Variants in CCDC171 observed in about 807,000 individuals in gnomAD.
CCDC171 encodes the protein coiled-coil domain-containing protein 171.
Under a neutral mutation model 168.2 loss-of-function variants are expected in CCDC171, and 177 were observed. The ratio of observed to expected loss-of-function variants is 1.05; its 90% CI spans 0.93 to 1.19. CCDC171 has a LOEUF of 1.19. Ranked by LOEUF, CCDC171 falls within the 50% of genes most tolerant of loss-of-function variation. The pLI, the probability that CCDC171 is intolerant of heterozygous loss-of-function variation, is 0.00. For synonymous variants in CCDC171, 687 were observed against 540.8 expected (o/e 1.27, Z -3.75); for missense variants, 1,991 against 1,539.0 (o/e 1.29, Z -4.91).
chr9:16,021,783 C>T (rs374479688), intron 4 of CCDC171, among the ~76,000 whole-genome samples: 3 of 152,166 alleles, frequency 2.0e-5, no homozygotes, highest in Non-Finnish European at 4.4e-5. Flanking sequence ...TCAAGATTTG[C>T]GATGTCCCCC....
intron 6 of CCDC171, among the ~76,000 whole-genome samples, chr9:15,619,017 G>A (rs1243706218): frequency 6.6e-6 from 1 of 151,910 alleles, no homozygotes; most frequent in African/African-American, 2.4e-5. Context: ...AATTGTTTTG[G>A]GGCACCATGA....
chr9:15,982,020 C>T (rs1048379434), intron 3 of CCDC171, among the ~76,000 whole-genome samples: 1 of 152,084 alleles, frequency 6.6e-6, no homozygotes, highest in East Asian at 1.9e-4. Context: ...TGATAAAGTT[C>T]ATATTGTAGT....
intron 4 of CCDC171, among the ~76,000 whole-genome samples, chr9:15,581,060 G>A (rs2041072266): frequency 1.3e-5 from 2 of 152,298 alleles, no homozygotes; most frequent in South Asian, 4.1e-4. Context: ...ATCTCCTTAA[G>A]CTGATAAGCA....
chr9:15,609,953 C>G (rs1227810330), intron 6 of CCDC171, among the ~76,000 whole-genome samples: 2 of 151,870 alleles, frequency 1.3e-5, no homozygotes, highest in Non-Finnish European at 1.5e-5. Flanking sequence ...TAATGCTTAT[C>G]TCTTCTATTT....
intron 24 of CCDC171, among the ~76,000 whole-genome samples, chr9:15,876,551 C>G: frequency 6.6e-6 from 1 of 152,030 alleles, no homozygotes; most frequent in Admixed American, 6.6e-5. Flanking sequence ...GACTGCTAAG[C>G]TGAATTAATA....
At chr9:16,038,049 A>G (rs879815756), upstream of CCDC171, among the ~76,000 whole-genome samples, 5 of 152,184 alleles carry the variant, frequency 3.3e-5, no homozygotes, top group Non-Finnish European at 5.9e-5. Context: ...TCTTAAAGCA[A>G]TGAAGATTTT....
chr9:15,610,313 C>T (rs2043556496), intron 6 of CCDC171, among the ~76,000 whole-genome samples: 1 of 150,878 alleles, frequency 6.6e-6, no homozygotes, highest in South Asian at 2.1e-4. Context: ...GCAGCTTAAA[C>T]CTCCTGGGCT....
intron 11 of CCDC171, among the ~76,000 whole-genome samples, chr9:15,700,632 TTTTA>T (rs781360896): frequency 2.6e-5 from 4 of 152,250 alleles, no homozygotes; most frequent in Admixed American, 1.3e-4. Flanking sequence ...TTTAGTTTTC[TTTTA>T]TTTATTTTTT....
At chr9:15,554,180 C>T (rs1229265213) in intron 1 of CCDC171, among the ~76,000 whole-genome samples, 3 of 152,106 alleles carry the variant, frequency 2.0e-5, no homozygotes, top group Middle Eastern at 3.2e-3. Context: ...CCGCCACGCC[C>T]GGCTAATTTT....
intron 7 of CCDC171, among the ~76,000 whole-genome samples, chr9:15,650,379 C>T (rs901973157): frequency 6.6e-6 from 1 of 151,838 alleles, no homozygotes; most frequent in African/African-American, 2.4e-5. Flanking sequence ...GCATATGTAC[C>T]CTAGAACTTA....
At chr9:15,604,186 C>G (rs912755649) in intron 6 of CCDC171, among the ~76,000 whole-genome samples, 2 of 151,954 alleles carry the variant, frequency 1.3e-5, no homozygotes, top group African/African-American at 4.8e-5. Flanking sequence ...AATTTTCTCC[C>G]ATTCTGTAGG....
At chr9:15,704,899 G>C (rs537592453) in intron 11 of CCDC171, among the ~76,000 whole-genome samples, 83 of 152,088 alleles carry the variant, frequency 5.5e-4, no homozygotes, top group Non-Finnish European at 9.4e-4. Flanking sequence ...GGGTCTCTCT[G>C]CTTCCACCTT....
At chr9:15,832,981 CTTTTTTTTTTTTTTT>C (rs71325937) in intron 21 of CCDC171, among the ~76,000 whole-genome samples, 1 of 69,438 alleles carries the variant, frequency 1.4e-5, no homozygotes, top group Non-Finnish European at 2.7e-5. Flanking sequence ...TCATTATAAT[CTTTTTTTTTTTTTTT>C]TTTTTTTTTG....
chr9:16,067,971 A>T, the CCDC171 span, among the ~76,000 whole-genome samples: 2 of 151,974 alleles, frequency 1.3e-5, no homozygotes, highest in Non-Finnish European at 2.9e-5. Flanking sequence ...ATTAGGCAGG[A>T]GAAGGAAATA....
chr9:16,008,893 T>A lies in CCDC171; in HGVS notation n.369-11696T>A, dbSNP rs957875484. ...ACCTGGCTATCTCCCACCCTAGCCC[T>A]CTGGCCATCATGTGAATTCCAGTGT... On this transcript the variant is annotated intron_variant and non_coding_transcript_variant, in intron 3 of 9. Coordinates refer to the CCDC171 transcript ENST00000486641. Among the ~76,000 whole-genome samples, 9 of 152,148 alleles carry A rather than the reference T, an allele frequency of 5.9e-5. No homozygotes were observed. In the South Asian group the frequency reaches 6.2e-4, roughly 11 times the overall value.
chr9:15,749,074 C>T (rs1288265782), intron 18 of CCDC171, among the ~76,000 whole-genome samples: 1 of 151,674 alleles, frequency 6.6e-6, no homozygotes, highest in Non-Finnish European at 1.5e-5. Flanking sequence ...GGAGACCCAT[C>T]TCACACGCAG....
At chr9:15,869,513 G>GTTTTTTTTTTTTTTTTTTTTTTTTTTT (rs72548935) in intron 23 of CCDC171, among the ~76,000 whole-genome samples, 1 of 147,978 alleles carries the variant, frequency 6.8e-6, no homozygotes, top group African/African-American at 2.5e-5. Flanking sequence ...AAAGCGTAGT[G>GTTTTTTTTTTTTTTTTTTTTTTTTTTT]TTTTTTTTTT....
At chr9:15,846,895 A>G (rs1278969684) in intron 22 of CCDC171, 48 bp downstream of exon 22, 2 of 1,525,362 alleles carry the variant, frequency 1.3e-6, no homozygotes, top group Non-Finnish European at 1.8e-6. Context: ...ACAAAAGATC[A>G]ATTCTTACTT....
intron 21 of CCDC171, among the ~76,000 whole-genome samples, chr9:15,797,453 C>T (rs570326477): frequency 6.6e-6 from 1 of 151,646 alleles, no homozygotes; most frequent in Non-Finnish European, 1.5e-5. Flanking sequence ...TGGGCTGAAG[C>T]AATCCACCTG....
Sources: allele counts gnomAD v4.1 joint callset (sites outside exome capture counted in the v4.1 genomes callset), GRCh38; gene constraint gnomAD v4.1.1; transcripts MANE v1.5; gene names NCBI Gene and HGNC (gene_info 2026-07-23, HGNC 2026-07-21).